Variants in PTPRD observed in about 807,000 individuals in gnomAD.
PTPRD encodes receptor-type tyrosine-protein phosphatase delta.
A neutral mutation model predicts 214.5 loss-of-function variants in PTPRD; 34 were observed. The ratio of observed to expected loss-of-function variants is 0.16; its 90% CI spans 0.12 to 0.21. The LOEUF is 0.21. Among genes scored for constraint, PTPRD ranks in the 10% least tolerant of loss-of-function variants. The pLI is 1.00. For synonymous variants in PTPRD, 1,128 were observed against 845.7 expected (o/e 1.33, Z -5.79); for missense variants, 2,545 against 2,398.7 (o/e 1.06, Z -1.27).
intron 10 of PTPRD, among the ~76,000 whole-genome samples, chr9:9,034,157 C>T (rs936452710): frequency 3.9e-5 from 6 of 152,078 alleles, no homozygotes; most frequent in Non-Finnish European, 8.8e-5. Flanking sequence ...CACAGTGCAC[C>T]AGATTTGGCA....
intron 9 of PTPRD, among the ~76,000 whole-genome samples, chr9:9,341,772 G>T (rs887210557): frequency 6.6e-6 from 1 of 151,934 alleles, no homozygotes. Context: ...TAGACTGAAA[G>T]AATTCTCAAA....
rs77085592 is a variant in PTPRD at position 9,487,696 on chromosome 9, A to G, written c.-237+87036T>C. Among the ~76,000 whole-genome samples the G allele has an allele frequency of 6.0e-4, 91 of 152,288 alleles. 1 individual carries two copies. The East Asian group carries it at 0.017, about 28-fold the overall frequency. Reference sequence around the variant, plus strand: ...AAACATGATAATTAAAATAATATTAAAAACAACCCATCTAAGTAAGCATAT... The same window carrying G: ...AAACATGATAATTAAAATAATATTAGAAACAACCCATCTAAGTAAGCATAT... On this transcript the variant is annotated intron_variant, in intron 8 of 45. Coordinates refer to ENST00000381196, the MANE Select transcript of PTPRD (RefSeq NM_002839.4).
intron 10 of PTPRD, among the ~76,000 whole-genome samples, chr9:9,084,566 T>G (rs1591337005): frequency 1.3e-5 from 2 of 151,824 alleles, no homozygotes; most frequent in East Asian, 3.9e-4. Context: ...GTAAAAAAGT[T>G]CCCACTGACA....
intron 7 of PTPRD, among the ~76,000 whole-genome samples, chr9:9,710,537 A>G (rs1199837025): frequency 6.6e-6 from 1 of 152,058 alleles, no homozygotes; most frequent in Admixed American, 6.6e-5. Flanking sequence ...CTCATGGTGG[A>G]TTTGAAGGAT....
At chr9:10,266,671 T>C (rs1397413974) in intron 3 of PTPRD, among the ~76,000 whole-genome samples, 1 of 152,022 alleles carries the variant, frequency 6.6e-6, no homozygotes, top group Non-Finnish European at 1.5e-5. Flanking sequence ...AGGACTACAA[T>C]TTGAATTGAG....
chr9:9,750,113 C>A (rs114028089), intron 6 of PTPRD, among the ~76,000 whole-genome samples: 4 of 152,110 alleles, frequency 2.6e-5, no homozygotes, highest in Non-Finnish European at 2.9e-5. Context: ...ATTACTAATA[C>A]AAATTGTAAA....
chr9:8,363,501 G>T (rs2133989220), intron 39 of PTPRD, among the ~76,000 whole-genome samples: 1 of 152,150 alleles, frequency 6.6e-6, no homozygotes, highest in Middle Eastern at 3.4e-3. Flanking sequence ...TGGCTGTTCT[G>T]AAAAAAATTA....
At chr9:9,511,649 G>A (rs958395973) in intron 8 of PTPRD, among the ~76,000 whole-genome samples, 1 of 151,540 alleles carries the variant, frequency 6.6e-6, no homozygotes, top group Non-Finnish European at 1.5e-5. Flanking sequence ...TATGACTTGA[G>A]TTCTCATAAA....
intron 8 of PTPRD, among the ~76,000 whole-genome samples, chr9:9,571,927 G>GTTAC (rs2086571126): frequency 6.6e-6 from 1 of 150,954 alleles, no homozygotes; most frequent in Non-Finnish European, 1.5e-5. Flanking sequence ...GTAACACCTG[G>GTTAC]AGTCCATTAA....
At chr9:9,380,400 T>C (rs1271075259) in intron 9 of PTPRD, among the ~76,000 whole-genome samples, 2 of 152,146 alleles carry the variant, frequency 1.3e-5, no homozygotes, top group Non-Finnish European at 2.9e-5. Context: ...GGGTACACAG[T>C]AGGTATATAT....
At chr9:9,777,686 GCC>G (rs2098809408) in intron 5 of PTPRD, among the ~76,000 whole-genome samples, 1 of 152,100 alleles carries the variant, frequency 6.6e-6, no homozygotes, top group African/African-American at 2.4e-5. Context: ...AACAGAGTGA[GCC>G]TCTATCTCAA....
chr9:9,063,675 A>T (rs1420561595), intron 10 of PTPRD, among the ~76,000 whole-genome samples: 2 of 152,208 alleles, frequency 1.3e-5, no homozygotes, highest in Non-Finnish European at 2.9e-5. Context: ...CCAAATGCAT[A>T]TCAAAACCAT....
At chr9:8,910,477 C>T (rs2098739556) in intron 11 of PTPRD, among the ~76,000 whole-genome samples, 1 of 152,064 alleles carries the variant, frequency 6.6e-6, no homozygotes, top group Admixed American at 6.5e-5. Context: ...GAGTTATCAC[C>T]ATGTGGAACT....
At chr9:9,408,690 T>G (rs1458971090) in intron 8 of PTPRD, among the ~76,000 whole-genome samples, 2 of 151,912 alleles carry the variant, frequency 1.3e-5, no homozygotes, top group Non-Finnish European at 3.0e-5. Context: ...AGAACATTGT[T>G]TGAAAATCAA....
intron 7 of PTPRD, among the ~76,000 whole-genome samples, chr9:9,713,919 A>T (rs2097775992): frequency 6.6e-6 from 1 of 151,998 alleles, no homozygotes; most frequent in African/African-American, 2.4e-5. Flanking sequence ...TAAGTGTGAG[A>T]TGCTCTCAAA....
intron 14 of PTPRD, among the ~76,000 whole-genome samples, chr9:8,609,913 T>C (rs950097348): frequency 1.2e-4 from 19 of 152,132 alleles, no homozygotes; most frequent in Non-Finnish European, 4.4e-5. Context: ...AACTCCAACA[T>C]AAATGTTGAA....
chr9:8,793,289 T>G (rs2096294378), intron 11 of PTPRD, among the ~76,000 whole-genome samples: 1 of 152,182 alleles, frequency 6.6e-6, no homozygotes, highest in South Asian at 2.1e-4. Context: ...AGCTACCATG[T>G]GAGCAGTCCA....
chr9:8,575,018 T>A (rs1156412866), intron 14 of PTPRD, among the ~76,000 whole-genome samples: 1 of 152,140 alleles, frequency 6.6e-6, no homozygotes, highest in Non-Finnish European at 1.5e-5. Context: ...TTTGGTCATC[T>A]ATTTCATTAA....
At chr9:9,615,706 C>T (rs2094818901) in intron 7 of PTPRD, among the ~76,000 whole-genome samples, 2 of 152,136 alleles carry the variant, frequency 1.3e-5, no homozygotes, top group African/African-American at 4.8e-5. Flanking sequence ...AGGGCTACTA[C>T]TTAGTGTGAA....
Sources: allele counts gnomAD v4.1 joint callset (sites outside exome capture counted in the v4.1 genomes callset), GRCh38; gene constraint gnomAD v4.1.1; transcripts MANE v1.5; gene names NCBI Gene and HGNC (gene_info 2026-07-23, HGNC 2026-07-21).